Variants in ACBD6 observed in about 807,000 individuals in gnomAD.
ACBD6 encodes the protein acyl-CoA binding domain containing 6.
In ACBD6, 28 loss-of-function variants were observed where a neutral mutation model predicts 37.2. The ratio of observed to expected loss-of-function variants is 0.75; its 90% CI spans 0.56 to 1.03. The LOEUF (loss-of-function observed/expected upper bound fraction) is 1.03, where lower values mean the gene tolerates loss of function less well. Ranked by LOEUF, ACBD6 falls within the 50% of genes least tolerant of loss-of-function variation. The probability of loss-of-function intolerance (pLI) is 0.00; values close to 1 mark genes in which losing one functional copy is unlikely to be tolerated. For missense variants in ACBD6, 340 were observed against 337.4 expected (o/e 1.01, Z -0.06); for synonymous variants, 113 against 126.8 (o/e 0.89, Z 0.73).
intron 6 of ACBD6, among the ~76,000 whole-genome samples, chr1:180,335,243 G>A (rs1455467099): frequency 6.6e-6 from 1 of 152,172 alleles, no homozygotes; most frequent in East Asian, 1.9e-4. Context: ...AGGAAAAAAT[G>A]TTAAGGGCGG....
downstream of ACBD6, among the ~76,000 whole-genome samples, chr1:180,287,804 A>G (rs1264474113): frequency 6.6e-6 from 1 of 152,118 alleles, no homozygotes; most frequent in Non-Finnish European, 1.5e-5. Flanking sequence ...CAGTAAATCT[A>G]GTTGTTCTGA....
intron 6 of ACBD6, among the ~76,000 whole-genome samples, chr1:180,342,778 T>C (rs1652029040): frequency 6.6e-6 from 1 of 152,074 alleles, no homozygotes; most frequent in African/African-American, 2.4e-5. Context: ...TAAACCTTAG[T>C]CTTTGCAGAC....
intron 3 of ACBD6, among the ~76,000 whole-genome samples, chr1:180,456,787 G>C (rs1649942866): frequency 6.6e-6 from 1 of 151,688 alleles, no homozygotes. Flanking sequence ...ACAGTGGCAT[G>C]ATCAGGGCTC....
intron 5 of ACBD6, among the ~76,000 whole-genome samples, chr1:180,410,126 C>G (rs182233691): frequency 3.3e-5 from 5 of 152,388 alleles, no homozygotes; most frequent in Admixed American, 2.6e-4. Context: ...TAGTTCTCTT[C>G]AAGTCTATGA....
chr1:180,374,724 T>C (rs1025775280), intron 6 of ACBD6, among the ~76,000 whole-genome samples: 4 of 152,184 alleles, frequency 2.6e-5, no homozygotes, highest in African/African-American at 9.6e-5. Flanking sequence ...GAAACATATT[T>C]ACACCTTCAC....
intron 7 of ACBD6, among the ~76,000 whole-genome samples, chr1:180,313,523 T>G (rs1025966193): frequency 5.3e-5 from 8 of 152,126 alleles, no homozygotes; most frequent in African/African-American, 1.9e-4. Context: ...AACACTTGAG[T>G]GCAAATTTAA....
At chr1:180,485,053 C>T (rs1328493410) in intron 3 of ACBD6, among the ~76,000 whole-genome samples, 4 of 145,812 alleles carry the variant, frequency 2.7e-5, no homozygotes, top group African/African-American at 7.7e-5. Flanking sequence ...CCAGCCTGGG[C>T]AACAGAGTGA....
chr1:180,483,812 G>T (rs1007457025), intron 3 of ACBD6, among the ~76,000 whole-genome samples: 1 of 152,146 alleles, frequency 6.6e-6, no homozygotes, highest in African/African-American at 2.4e-5. Flanking sequence ...ACACTCAAAT[G>T]TAATCATTCT....
chr1:180,443,779 A>AT (rs71121019), intron 3 of ACBD6, among the ~76,000 whole-genome samples: 29,086 of 133,838 alleles, frequency 0.22, 3,180 homozygotes, highest in African/African-American at 0.29. Flanking sequence ...CGCCCAGCTA[A>AT]TTTTTTTTTT....
At chr1:180,500,608 C>T (rs1360765570) in intron 1 of ACBD6, among the ~76,000 whole-genome samples, 5 of 151,066 alleles carry the variant, frequency 3.3e-5, no homozygotes, top group Admixed American at 1.3e-4. Context: ...ACAGGACAAT[C>T]GCTTGAACCG....
chr1:180,322,195 A>G (rs770408071), intron 6 of ACBD6, among the ~76,000 whole-genome samples: 2 of 152,134 alleles, frequency 1.3e-5, no homozygotes, highest in African/African-American at 4.8e-5. Context: ...CCATCCTTGC[A>G]TCCCTGTAAT....
At chr1:180,360,470 T>G (rs1652803658) in intron 6 of ACBD6, among the ~76,000 whole-genome samples, 1 of 152,218 alleles carries the variant, frequency 6.6e-6, no homozygotes, top group African/African-American at 2.4e-5. Context: ...AGTATCAATT[T>G]CACCTGGGAA....
intron 5 of ACBD6, among the ~76,000 whole-genome samples, chr1:180,411,829 G>A (rs1011244109): frequency 6.6e-6 from 1 of 152,016 alleles, no homozygotes; most frequent in Non-Finnish European, 1.5e-5. Flanking sequence ...CACCACGCCT[G>A]GCTAATTTTT....
intron 6 of ACBD6, among the ~76,000 whole-genome samples, chr1:180,334,644 G>C (rs1019847835): frequency 2.0e-5 from 3 of 152,210 alleles, no homozygotes; most frequent in Non-Finnish European, 2.9e-5. Flanking sequence ...ACCAGCAATG[G>C]AAGAAAGCTG....
chr1:180,329,758 T>C (rs1651407225), intron 6 of ACBD6, among the ~76,000 whole-genome samples: 1 of 152,160 alleles, frequency 6.6e-6, no homozygotes, highest in Admixed American at 6.5e-5. Flanking sequence ...CTGCTCTGGG[T>C]GGTGATCTGT....
chr1:180,333,321 T>C (rs1651560596), intron 6 of ACBD6, among the ~76,000 whole-genome samples: 1 of 152,228 alleles, frequency 6.6e-6, no homozygotes, highest in South Asian at 2.1e-4. Flanking sequence ...TAATTGGATA[T>C]GCATATCTAG....
At chr1:180,440,321 C>T (rs1183694725) in intron 3 of ACBD6, among the ~76,000 whole-genome samples, 1 of 152,046 alleles carries the variant, frequency 6.6e-6, no homozygotes, top group East Asian at 1.9e-4. Context: ...GTTGTTCAGC[C>T]TGGTCTCGAA....
intron 3 of ACBD6, chr1:180,435,751 A>G: frequency 1.2e-6 from 1 of 846,212 alleles, no homozygotes; most frequent in Non-Finnish European, 2.1e-6. Context: ...CGCACTTCAG[A>G]ATAGCAGCCA....
At chr1:180,459,887 G>A (rs80212830) in intron 3 of ACBD6, among the ~76,000 whole-genome samples, 3 of 151,204 alleles carry the variant, frequency 2.0e-5, no homozygotes, top group Non-Finnish European at 4.4e-5. Flanking sequence ...TGTGGGCTTA[G>A]GGGAGTCCGA....
Sources: allele counts gnomAD v4.1 joint callset (sites outside exome capture counted in the v4.1 genomes callset), GRCh38; gene constraint gnomAD v4.1.1; transcripts MANE v1.5; gene names NCBI Gene and HGNC (gene_info 2026-07-23, HGNC 2026-07-21).